GABRA3: variants seen among roughly 807,000 people sequenced by gnomAD.
The protein encoded by GABRA3 is gamma-aminobutyric acid type A receptor subunit alpha3.
A neutral mutation model predicts 30.1 loss-of-function variants in GABRA3; 10 were observed. That is an observed-to-expected ratio of 0.33 (90% CI 0.20 to 0.56). GABRA3 has a LOEUF of 0.56. Ranked by LOEUF, GABRA3 falls within the 20% of genes least tolerant of loss-of-function variation. The pLI is 0.89. For synonymous variants in GABRA3, 151 were observed against 146.8 expected (o/e 1.03, Z -0.21); for missense variants, 233 against 392.0 (o/e 0.59, Z 3.42).
intron 2 of GABRA3, among the ~76,000 whole-genome samples, chrX:152,356,738 C>T (rs1452921863): frequency 9.0e-6 from 1 of 111,403 alleles, no homozygotes; most frequent in African/African-American, 3.3e-5. Flanking sequence ...TACTCACCCT[C>T]CTTCCACACT....
At chrX:152,191,886 C>T (rs766021381) in intron 8 of GABRA3, among the ~76,000 whole-genome samples, 1 of 111,794 alleles carries the variant, frequency 8.9e-6, no homozygotes, top group African/African-American at 3.3e-5. Context: ...ATAGCTAATA[C>T]TTATTAACAA....
chrX:152,174,459 C>G (rs1402137807), intron 9 of GABRA3, among the ~76,000 whole-genome samples: 9 of 111,862 alleles, frequency 8.0e-5, no homozygotes, highest in Middle Eastern at 4.2e-3. Flanking sequence ...CCTGTTGTTT[C>G]CTGACTTTTT....
intron 1 of GABRA3, among the ~76,000 whole-genome samples, chrX:152,437,335 T>C (rs554734841): frequency 8.9e-6 from 1 of 111,963 alleles, no homozygotes; most frequent in Non-Finnish European, 1.9e-5. Context: ...AAGGAGACTA[T>C]AAAACTCTGA....
At chrX:152,236,961 T>C in intron 5 of GABRA3, among the ~76,000 whole-genome samples, 1 of 106,234 alleles carries the variant, frequency 9.4e-6, no homozygotes, top group Non-Finnish European at 1.9e-5. Context: ...TTCACTCTGA[T>C]GGTAGTTTCT....
intron 1 of GABRA3, among the ~76,000 whole-genome samples, chrX:152,448,505 A>T (rs1037414485): frequency 2.7e-5 from 3 of 111,413 alleles, no homozygotes; most frequent in Non-Finnish European, 3.8e-5. Flanking sequence ...ATAATCAGCA[A>T]ATCATCTGAG....
At chrX:152,296,147 T>A (rs1312012040) in intron 3 of GABRA3, among the ~76,000 whole-genome samples, 1 of 111,966 alleles carries the variant, frequency 8.9e-6, no homozygotes, top group African/African-American at 3.2e-5. Context: ...CACCTCCAGA[T>A]CACTGGGAAT....
At chrX:152,327,888 C>G (rs1940090949) in intron 3 of GABRA3, among the ~76,000 whole-genome samples, 1 of 111,352 alleles carries the variant, frequency 9.0e-6, no homozygotes, top group South Asian at 3.8e-4. Context: ...ACAAAAAACA[C>G]TTCAAAAAAT....
intron 9 of GABRA3, 81 bp from the exon 10 acceptor site, chrX:152,168,644 C>A: frequency 1.3e-6 from 1 of 774,912 alleles, no homozygotes; most frequent in Non-Finnish European, 1.9e-6. Context: ...CCTTCAGAGG[C>A]TGCAGGGAGG....
intron 4 of GABRA3, among the ~76,000 whole-genome samples, chrX:152,275,561 C>T (rs1422809609): frequency 1.2e-5 from 1 of 80,399 alleles, no homozygotes; most frequent in Non-Finnish European, 2.6e-5. Flanking sequence ...TCGAGATGAG[C>T]CAGCCTGGCC....
At chrX:152,250,600 G>C (rs1938536434) in intron 5 of GABRA3, 1 of 111,215 alleles carries the variant, frequency 9.0e-6, no homozygotes, top group Admixed American at 9.6e-5. Context: ...ATAAATGTGT[G>C]TATCATCTCG....
intron 5 of GABRA3, among the ~76,000 whole-genome samples, chrX:152,251,974 G>C (rs776295620): frequency 7.8e-4 from 87 of 111,024 alleles, no homozygotes; most frequent in African/African-American, 2.7e-3. Flanking sequence ...TCATCCCCTT[G>C]ATGGTATTTA....
At chrX:152,334,861 C>T (rs1742932256) in intron 3 of GABRA3, among the ~76,000 whole-genome samples, 1 of 111,294 alleles carries the variant, frequency 9.0e-6, no homozygotes, top group Non-Finnish European at 1.9e-5. Context: ...TTCCCACCCA[C>T]CTGCCAGCTC....
chrX:152,229,257 AC>A lies in GABRA3; in HGVS notation c.552-4413del, dbSNP rs756685731. Among the ~76,000 whole-genome samples, 3 of 111,386 alleles carry A rather than the reference AC, an allele frequency of 2.7e-5. No homozygotes were observed. The South Asian group carries it at 1.1e-3, about 42-fold the overall frequency. On this transcript the variant is annotated intron_variant, in intron 5 of 9. Transcript: ENST00000370314. ...CAGATCATAGAACTATAGTCGCAAT[AC>A]AGGGGTTGGCCTGCTTTGCTCTTTA...
At chrX:152,214,400 C>A (rs1691203975) in intron 6 of GABRA3, among the ~76,000 whole-genome samples, 1 of 111,072 alleles carries the variant, frequency 9.0e-6, no homozygotes, top group Non-Finnish European at 1.9e-5. Flanking sequence ...GATAAACATA[C>A]AATTGTAGGT....
chrX:152,404,747 A>G (rs1305404227), intron 1 of GABRA3, among the ~76,000 whole-genome samples: 1 of 47,680 alleles, frequency 2.1e-5, no homozygotes, highest in Non-Finnish European at 4.1e-5. Context: ...TATTATTATT[A>G]TTATTATTAT....
intron 6 of GABRA3, among the ~76,000 whole-genome samples, chrX:152,222,475 A>G (rs1459260700): frequency 9.3e-6 from 1 of 107,777 alleles, no homozygotes; most frequent in African/African-American, 3.4e-5. Flanking sequence ...TTTTTCTTGA[A>G]TATATTAGCC....
rs918561486 is a variant in GABRA3, at chrX:152,447,386, T to C, written c.-27+3760A>G. On this transcript the variant is annotated intron_variant, in intron 1 of 9. Coordinates refer to ENST00000370314, the MANE Select transcript of GABRA3 (RefSeq NM_000808.4). ...CAAGTAACCCTCTGAAGTAGTCAAG[T>C]TGGCTTTCTATCCACTGTAAGAAAT... Among the ~76,000 whole-genome samples the C allele has an allele frequency of 1.7e-4, 19 of 111,918 alleles. 1 individual carries two copies. The highest frequency in any genetic ancestry group is 5.2e-4 in the African/African-American group (16 of 30,736).
chrX:152,294,127 T>G (rs951406805), intron 3 of GABRA3, among the ~76,000 whole-genome samples: 7 of 111,168 alleles, frequency 6.3e-5, no homozygotes, highest in African/African-American at 2.3e-4. Context: ...TCTTGAGGAG[T>G]ATCTTTGTGG....
intron 1 of GABRA3, among the ~76,000 whole-genome samples, chrX:152,428,083 G>A (rs1418449072): frequency 8.9e-6 from 1 of 112,330 alleles, no homozygotes. Context: ...AAGCAATGAC[G>A]CCACTTAGAG....
Sources: allele counts gnomAD v4.1 joint callset (sites outside exome capture counted in the v4.1 genomes callset), GRCh38; gene constraint gnomAD v4.1.1; transcripts MANE v1.5; gene names NCBI Gene and HGNC (gene_info 2026-07-23, HGNC 2026-07-21).